DLGAP1: variants seen among roughly 807,000 people sequenced by gnomAD.
DLGAP1 encodes DLG associated protein 1.
A neutral mutation model predicts 90.8 loss-of-function variants in DLGAP1; 11 were observed. The observed-to-expected ratio is 0.12, with a 90% confidence interval of 0.08 to 0.20. The LOEUF (loss-of-function observed/expected upper bound fraction) is 0.20, where lower values mean the gene tolerates loss of function less well. Ranked by LOEUF, DLGAP1 falls within the 10% of genes least tolerant of loss-of-function variation. DLGAP1 has a pLI of 1.00. For missense variants in DLGAP1, 1,050 were observed against 1,333.8 expected, an observed-to-expected ratio of 0.79 and a Z score of 3.31; for synonymous variants, 558 against 540.7, an observed-to-expected ratio of 1.03 and a Z score of -0.44.
chr18:3,766,500 T>C (rs1358647914), intron 5 of DLGAP1, among the ~76,000 whole-genome samples: 2 of 152,020 alleles, frequency 1.3e-5, no homozygotes, highest in Admixed American at 6.6e-5. Flanking sequence ...GAGAACACTC[T>C]ACCCAAGAAC....
At chr18:4,314,128 G>A (rs547666550) in intron 1 of DLGAP1, among the ~76,000 whole-genome samples, 1 of 152,256 alleles carries the variant, frequency 6.6e-6, no homozygotes, top group East Asian at 1.9e-4. Context: ...CGAGGGACTT[G>A]CATCTAGGAA....
At chr18:3,768,431 G>C (rs945932789) in intron 5 of DLGAP1, among the ~76,000 whole-genome samples, 2 of 152,098 alleles carry the variant, frequency 1.3e-5, no homozygotes, top group African/African-American at 2.4e-5. Context: ...AAAGATTTTT[G>C]TAGATATAGA....
At chr18:3,905,106 G>A (rs2071867642) in intron 3 of DLGAP1, among the ~76,000 whole-genome samples, 1 of 151,342 alleles carries the variant, frequency 6.6e-6, no homozygotes, top group Admixed American at 6.6e-5. Context: ...GGTGGCTCAT[G>A]CCTGTAATCC....
intron 1 of DLGAP1, among the ~76,000 whole-genome samples, chr18:4,273,554 C>T (rs913957591): frequency 2.0e-5 from 3 of 152,180 alleles, no homozygotes; most frequent in African/African-American, 7.2e-5. Context: ...GCAATCCTCT[C>T]ACCTCAGCCT....
chr18:3,684,778 A>T (rs1162207611), intron 7 of DLGAP1, among the ~76,000 whole-genome samples: 1 of 152,188 alleles, frequency 6.6e-6, no homozygotes, highest in African/African-American at 2.4e-5. Context: ...GAAACAGGAA[A>T]AAAAATGTCA....
chr18:3,656,038 A>G, intron 7 of DLGAP1: 1 of 1,518,788 alleles, frequency 6.6e-7, no homozygotes, highest in South Asian at 1.3e-5. Context: ...CACGCTATGC[A>G]ACCTTTAAGC....
At position 4,378,721 on chromosome 18, in the gene DLGAP1, T is replaced by G. The variant is rs1872996136; in HGVS notation, c.-267+76285A>C. 6.6e-6 allele frequency among the ~76,000 whole-genome samples: 1 copy of G among 152,164 alleles called. No homozygotes were observed. On this transcript the variant is annotated intron_variant, in intron 1 of 12. Coordinates refer to ENST00000315677, the MANE Select transcript of DLGAP1 (RefSeq NM_004746.4). This position sits in a 1 kb window ranked among gnomAD's most constrained non-coding sequence, Gnocchi z 4.5. Reference sequence around the variant, plus strand: ...TTGAGAACTTTAACTTACTACTTAATCTGAACCCATTTTATCTGTTTTTAT... The same window carrying G: ...TTGAGAACTTTAACTTACTACTTAAGCTGAACCCATTTTATCTGTTTTTAT...
At chr18:3,677,960 GT>G (rs71160908) in intron 7 of DLGAP1, among the ~76,000 whole-genome samples, 54,943 of 81,076 alleles carry the variant, frequency 0.68, 20,887 homozygotes, top group South Asian at 0.87. Context: ...TGCCCGGTGG[GT>G]TTTTTTTTTT....
At chr18:4,274,837 G>T (rs1248827977) in intron 1 of DLGAP1, among the ~76,000 whole-genome samples, 4 of 152,142 alleles carry the variant, frequency 2.6e-5, no homozygotes. Context: ...AGTAATATTT[G>T]ACTGGACTTA....
chr18:4,273,848 C>T (rs1225989640), intron 1 of DLGAP1, among the ~76,000 whole-genome samples: 3 of 152,176 alleles, frequency 2.0e-5, no homozygotes, highest in African/African-American at 7.2e-5. Context: ...TGTAAAATCA[C>T]TGGTAACATT....
intron 8 of DLGAP1, 39 bp from the exon 9 acceptor site, chr18:3,567,620 A>AAGCAAGATGACTGAAAT: frequency 6.4e-7 from 1 of 1,555,174 alleles, no homozygotes; most frequent in Non-Finnish European, 8.8e-7. Flanking sequence ...GTTCCATTTC[A>AAGCAAGATGACTGAAAT]GTCATCTTGC....
At chr18:3,740,570 T>C (rs2062854324) in intron 6 of DLGAP1, among the ~76,000 whole-genome samples, 1 of 152,174 alleles carries the variant, frequency 6.6e-6, no homozygotes, top group African/African-American at 2.4e-5. Context: ...ATTTTGTTGA[T>C]AGGGACAGAA....
At chr18:4,224,963 C>T (rs940544377) in intron 1 of DLGAP1, among the ~76,000 whole-genome samples, 1 of 152,062 alleles carries the variant, frequency 6.6e-6, no homozygotes, top group Admixed American at 6.6e-5. Context: ...GCTTATGTCA[C>T]TGCTCCCCCA....
intron 5 of DLGAP1, among the ~76,000 whole-genome samples, chr18:3,807,271 G>A (rs1422727708): frequency 6.6e-6 from 1 of 152,160 alleles, no homozygotes; most frequent in Non-Finnish European, 1.5e-5. Flanking sequence ...TCCACACCCA[G>A]TTGATCTTCC....
intron 1 of DLGAP1, among the ~76,000 whole-genome samples, chr18:4,349,276 T>C (rs1033111133): frequency 5.9e-5 from 9 of 152,008 alleles, no homozygotes; most frequent in Non-Finnish European, 1.3e-4. Context: ...CAAACCAGAA[T>C]TGAAGGACAT....
intron 1 of DLGAP1, among the ~76,000 whole-genome samples, chr18:4,425,933 G>C (rs1218717680): frequency 6.6e-6 from 1 of 152,114 alleles, no homozygotes; most frequent in Non-Finnish European, 1.5e-5. Flanking sequence ...GAATCCTATA[G>C]CATAATAGGT....
At chr18:3,845,548 T>C in intron 4 of DLGAP1, 1 of 985,456 alleles carries the variant, frequency 1.0e-6, no homozygotes, top group Non-Finnish European at 1.2e-6. Flanking sequence ...CAATTTTGCA[T>C]AGCAGTTGTA....
intron 4 of DLGAP1, among the ~76,000 whole-genome samples, chr18:3,835,378 T>C (rs67701467): frequency 0.29 from 43,378 of 151,884 alleles, 6,272 homozygotes; most frequent in South Asian, 0.36. Flanking sequence ...TGGCCAGGCG[T>C]GGTGGCTCAC....
intron 1 of DLGAP1, among the ~76,000 whole-genome samples, chr18:4,443,552 G>A (rs2083588919): frequency 6.6e-6 from 1 of 152,216 alleles, no homozygotes; most frequent in South Asian, 2.1e-4. Flanking sequence ...AAAGACTCTA[G>A]AAGTCATTAA....
Sources: allele counts gnomAD v4.1 joint callset (sites outside exome capture counted in the v4.1 genomes callset), GRCh38; gene constraint gnomAD v4.1.1; non-coding constraint Gnocchi (gnomAD v3.1); transcripts MANE v1.5; gene names NCBI Gene and HGNC (gene_info 2026-07-23, HGNC 2026-07-21).